Variants in RABEPK observed in about 807,000 individuals in gnomAD.
RABEPK encodes 40 kDa Rab9 effector protein.
A neutral mutation model predicts 34.1 loss-of-function variants in RABEPK; 27 were observed. The observed-to-expected ratio is 0.79, with a 90% CI of 0.58 to 1.09. The LOEUF (loss-of-function observed/expected upper bound fraction) is 1.09. Among genes scored for constraint, RABEPK ranks in the 50% least tolerant of loss-of-function variants. The pLI, the probability that RABEPK is intolerant of heterozygous loss-of-function variation, is 0.00. For synonymous variants in RABEPK, 172 were observed against 169.2 expected (o/e 1.02, Z -0.13); for missense variants, 449 against 462.6 (o/e 0.97, Z 0.27).
intron 5 of RABEPK, among the ~76,000 whole-genome samples, chr9:125,223,729 A>G (rs1359587589): frequency 8.0e-5 from 1 of 12,516 alleles, no homozygotes; most frequent in Non-Finnish European, 1.4e-4. Flanking sequence ...TGACTCTAAA[A>G]AAAAAAAAAA....
intron 1 of RABEPK, among the ~76,000 whole-genome samples, chr9:125,201,878 C>T (rs1384822265): frequency 1.3e-5 from 2 of 149,764 alleles, no homozygotes; most frequent in Admixed American, 6.6e-5. Context: ...TCCCAAAGTG[C>T]TGGGATTACA....
At chr9:125,210,826 G>A (rs1349979876) in intron 3 of RABEPK, among the ~76,000 whole-genome samples, 1 of 148,468 alleles carries the variant, frequency 6.7e-6, no homozygotes, top group Non-Finnish European at 1.5e-5. Flanking sequence ...TTTCCCTATT[G>A]TTTTAATCTT....
At chr9:125,218,362 A>T (rs992907233) in intron 4 of RABEPK, among the ~76,000 whole-genome samples, 7 of 147,842 alleles carry the variant, frequency 4.7e-5, no homozygotes, top group African/African-American at 1.7e-4. Context: ...CTGAGTTCAA[A>T]CTCCTGCTCT....
chr9:125,213,321 TATA>T, intron 3 of RABEPK, 46 bp from the exon 4 acceptor site: 1 of 1,585,072 alleles, frequency 6.3e-7, no homozygotes, highest in Non-Finnish European at 8.6e-7. Context: ...TGCCAACCAA[TATA>T]ATAATTGGCA....
At chr9:125,220,262 A>G (rs1831229896) in intron 4 of RABEPK, 2 of 1,305,624 alleles carry the variant, frequency 1.5e-6, no homozygotes, top group Non-Finnish European at 2.0e-6. Flanking sequence ...TTGGCCTCCC[A>G]AAGTGCTGGG....
At chr9:125,220,914 C>A in intron 5 of RABEPK, 1 of 543,520 alleles carries the variant, frequency 1.8e-6, no homozygotes, top group Admixed American at 3.8e-5. Context: ...CACCTGTAAT[C>A]CCAGAGCTTT....
chr9:125,220,484 G>A, intron 4 of RABEPK, 55 bp from the exon 5 acceptor site: 1 of 1,521,462 alleles, frequency 6.6e-7, no homozygotes, highest in South Asian at 1.2e-5. Flanking sequence ...CCAGAGTCAA[G>A]GTCAGAAGCC....
intron 5 of RABEPK, among the ~76,000 whole-genome samples, chr9:125,222,851 T>C (rs1831448082): frequency 1.3e-5 from 2 of 152,028 alleles, no homozygotes; most frequent in South Asian, 4.1e-4. Flanking sequence ...ATTATATAAA[T>C]ATTAGAGTCA....
chr9:125,224,325 G>T (rs1831580222), intron 5 of RABEPK, among the ~76,000 whole-genome samples: 1 of 151,942 alleles, frequency 6.6e-6, no homozygotes, highest in African/African-American at 2.4e-5. Flanking sequence ...GATAAGAAGG[G>T]TTGCCTGTAG....
At chr9:125,206,902 C>T (rs1830258289) in intron 2 of RABEPK, among the ~76,000 whole-genome samples, 1 of 152,060 alleles carries the variant, frequency 6.6e-6, no homozygotes, top group South Asian at 2.1e-4. Flanking sequence ...CCAGCCTGAC[C>T]AACATGGAGA....
chr9:125,217,321 A>G (rs913691590), intron 4 of RABEPK, among the ~76,000 whole-genome samples: 1 of 152,236 alleles, frequency 6.6e-6, no homozygotes, highest in Admixed American at 6.5e-5. Context: ...TTTGATTTTC[A>G]ACAATGGTAT....
intron 6 of RABEPK, among the ~76,000 whole-genome samples, chr9:125,230,862 C>T (rs936019295): frequency 3.3e-5 from 5 of 151,914 alleles, no homozygotes; most frequent in African/African-American, 1.2e-4. Context: ...TACACAAAAC[C>T]ATTCCTTGCG....
chr9:125,218,621 C>T (rs1056389239), intron 4 of RABEPK, among the ~76,000 whole-genome samples: 3 of 152,002 alleles, frequency 2.0e-5, no homozygotes, highest in African/African-American at 7.2e-5. Flanking sequence ...AAATTTTATT[C>T]TCCAGTCAGA....
In RABEPK at chr9:125,229,273, G is replaced by GA. The variant is rs140885862; in HGVS notation, c.676+1224dup. On this transcript the variant is annotated intron_variant, in intron 6 of 7. Transcript: ENST00000373538. The stretch of plus-strand genomic sequence containing the variant: ...CGTCTCCAAAAAAAAAAGAAAAAAA[G>GA]AAAAAAAAAATCAGCCAGGCTTGGT... 0.023 allele frequency among the ~76,000 whole-genome samples: 3,408 copies of GA among 146,724 alleles called. 207 individuals are homozygous for GA. In the East Asian group the frequency reaches 0.26, roughly 11 times the overall value.
At chr9:125,220,890 G>A (rs2131405802) in intron 5 of RABEPK, 190 bp downstream of exon 5, 1 of 697,084 alleles carries the variant, frequency 1.4e-6, no homozygotes, top group Non-Finnish European at 2.2e-6. Flanking sequence ...AGTGAGGCCT[G>A]GCATGGTGGC....
At chr9:125,210,091 A>C (rs1044688312) in intron 3 of RABEPK, among the ~76,000 whole-genome samples, 3 of 152,168 alleles carry the variant, frequency 2.0e-5, no homozygotes, top group Admixed American at 6.6e-5. Context: ...AAATGAATGA[A>C]TGAATGAACC....
intron 3 of RABEPK, among the ~76,000 whole-genome samples, chr9:125,209,716 C>T (rs866990149): frequency 3.0e-4 from 46 of 152,250 alleles, no homozygotes; most frequent in South Asian, 1.9e-3. Context: ...GTTCCTTGAA[C>T]ACAGCTTGAG....
chr9:125,225,963 AAAAAAAAAAAAG>A (rs755898676), intron 5 of RABEPK, among the ~76,000 whole-genome samples: 6 of 107,938 alleles, frequency 5.6e-5, no homozygotes, highest in Admixed American at 8.9e-5. Flanking sequence ...ACTCTGTTTC[AAAAAAAAAAAAG>A]AAAAAGAAAA....
chr9:125,202,987 G>T (rs1487296646), intron 1 of RABEPK, 21 bp from the exon 2 acceptor site: 1 of 1,607,586 alleles, frequency 6.2e-7, no homozygotes, highest in Non-Finnish European at 8.5e-7. Flanking sequence ...TCTAAAAAGT[G>T]CCTTTCTTTC....
Sources: gnomAD v4.1 joint callset for allele counts (sites outside exome capture counted in the v4.1 genomes callset) on GRCh38, gnomAD v4.1.1 for gene constraint, MANE v1.5 for transcripts, NCBI Gene and HGNC (gene_info 2026-07-23, HGNC 2026-07-21) for gene names.